CERS6: variants seen among roughly 807,000 people sequenced by gnomAD.
CERS6 encodes LAG1 homolog, ceramide synthase 6.
Under a neutral mutation model 56.8 loss-of-function variants are expected in CERS6, and 26 were observed. The observed-to-expected ratio is 0.46, with a 90% CI of 0.34 to 0.63. The LOEUF is 0.63. Ranked by LOEUF, CERS6 falls within the 30% of genes least tolerant of loss-of-function variation. The probability of loss-of-function intolerance (pLI) is 0.01; values close to 1 mark genes in which losing one functional copy is unlikely to be tolerated. For missense variants in CERS6, 415 were observed against 467.5 expected, an observed-to-expected ratio of 0.89 and a Z score of 1.04; for synonymous variants, 164 against 173.3, an observed-to-expected ratio of 0.95 and a Z score of 0.42.
chr2:168,479,743 G>A (rs1694144885), intron 1 of CERS6, among the ~76,000 whole-genome samples: 2 of 152,248 alleles, frequency 1.3e-5, no homozygotes, highest in South Asian at 4.2e-4. Flanking sequence ...TGAGTAGCTG[G>A]GATTACAGGC....
At chr2:168,608,352 A>G (rs1337877450) in intron 3 of CERS6, among the ~76,000 whole-genome samples, 1 of 152,192 alleles carries the variant, frequency 6.6e-6, no homozygotes, top group Non-Finnish European at 1.5e-5. Context: ...CTTTGCCTGG[A>G]CATGTCTTCA....
intron 1 of CERS6, among the ~76,000 whole-genome samples, chr2:168,458,867 A>G (rs1356278774): frequency 6.6e-6 from 1 of 152,166 alleles, no homozygotes; most frequent in Non-Finnish European, 1.5e-5. Context: ...GAAGTTCTGC[A>G]TGTTTCTCCT....
At chr2:168,723,304 C>T (rs1210450807) in intron 8 of CERS6, among the ~76,000 whole-genome samples, 1 of 152,186 alleles carries the variant, frequency 6.6e-6, no homozygotes, top group Non-Finnish European at 1.5e-5. Context: ...GAGAGTTCTG[C>T]CCCAGGCTGT....
At chr2:168,739,464 C>G (rs1240864472) in intron 8 of CERS6, among the ~76,000 whole-genome samples, 3 of 151,956 alleles carry the variant, frequency 2.0e-5, no homozygotes, top group African/African-American at 7.3e-5. Flanking sequence ...ATGAAAATTC[C>G]TAAATTTACC....
intron 1 of CERS6, among the ~76,000 whole-genome samples, chr2:168,540,987 G>A (rs1695357617): frequency 6.6e-6 from 1 of 152,196 alleles, no homozygotes; most frequent in Non-Finnish European, 1.5e-5. Context: ...TGATTCTGAT[G>A]ACTGAAAAGT....
At chr2:168,498,164 A>G (rs902430426) in intron 1 of CERS6, among the ~76,000 whole-genome samples, 1 of 152,194 alleles carries the variant, frequency 6.6e-6, no homozygotes, top group Non-Finnish European at 1.5e-5. Flanking sequence ...AGTGTTTGCC[A>G]ACATTTAAAA....
chr2:168,459,257 A>G (rs1418630852), intron 1 of CERS6, among the ~76,000 whole-genome samples: 5 of 152,374 alleles, frequency 3.3e-5, no homozygotes, highest in Admixed American at 1.3e-4. Context: ...TTGAGGCTAA[A>G]ATCGTGAATT....
intron 3 of CERS6, among the ~76,000 whole-genome samples, chr2:168,620,241 A>G (rs1036839555): frequency 3.9e-5 from 6 of 152,036 alleles, no homozygotes; most frequent in African/African-American, 4.8e-5. Flanking sequence ...CAAAGGCATA[A>G]GAATGACACA....
chr2:168,671,328 TTTGA>T (rs1460954286), intron 4 of CERS6, among the ~76,000 whole-genome samples: 3 of 152,182 alleles, frequency 2.0e-5, no homozygotes, highest in Non-Finnish European at 4.4e-5. Context: ...CAGCGTTCAG[TTTGA>T]TTATTTTTAT....
intron 8 of CERS6, among the ~76,000 whole-genome samples, chr2:168,728,607 G>T (rs62174441): frequency 0.029 from 4,396 of 151,180 alleles, 88 homozygotes; most frequent in East Asian, 0.066. Flanking sequence ...GGCTGGTCTC[G>T]AACTCCTGAC....
At chr2:168,634,036 G>C (rs1000075521) in intron 4 of CERS6, among the ~76,000 whole-genome samples, 8 of 152,118 alleles carry the variant, frequency 5.3e-5, no homozygotes, top group Non-Finnish European at 1.0e-4. Flanking sequence ...GGTCAAATGA[G>C]CCTGTTGTGT....
rs1364553431 is a variant in CERS6, at chr2:168,709,578, G to A, written c.610-5423G>A. Among the ~76,000 whole-genome samples the A allele has an allele frequency of 2.6e-5, 4 of 152,226 alleles. No individual in the cohort carries two copies. The South Asian group carries it at 8.3e-4, about 32-fold the overall frequency. Reference sequence around the variant, plus strand: ...GCAGGAGGTTGAGGACACAAGTAAAGCACGTGTCCACGCCAGTCTGTTATG... The same window carrying A: ...GCAGGAGGTTGAGGACACAAGTAAAACACGTGTCCACGCCAGTCTGTTATG... On this transcript the variant is annotated intron_variant, in intron 6 of 9. Transcript: ENST00000305747.
intron 3 of CERS6, among the ~76,000 whole-genome samples, chr2:168,618,203 A>G (rs1398500348): frequency 6.6e-6 from 1 of 152,232 alleles, no homozygotes; most frequent in Non-Finnish European, 1.5e-5. Flanking sequence ...TAAAACCCTT[A>G]GCAAAATTGG....
intron 3 of CERS6, among the ~76,000 whole-genome samples, chr2:168,590,233 A>G (rs979144345): frequency 1.3e-5 from 2 of 152,244 alleles, no homozygotes; most frequent in Non-Finnish European, 2.9e-5. Flanking sequence ...TAAAAGAAAT[A>G]GAAGAGTGAA....
At chr2:168,618,143 T>C (rs751811252) in intron 3 of CERS6, among the ~76,000 whole-genome samples, 3 of 152,164 alleles carry the variant, frequency 2.0e-5, no homozygotes, top group Non-Finnish European at 4.4e-5. Flanking sequence ...CACGATCATC[T>C]CAATAGACCA....
At chr2:168,743,212 G>T (rs926487788) in intron 8 of CERS6, among the ~76,000 whole-genome samples, 1 of 127,360 alleles carries the variant, frequency 7.9e-6, no homozygotes, top group Non-Finnish European at 1.7e-5. Flanking sequence ...ATGTGTGTGT[G>T]TATGTGTGTG....
At chr2:168,504,940 A>G (rs1281929796) in intron 1 of CERS6, among the ~76,000 whole-genome samples, 3 of 152,160 alleles carry the variant, frequency 2.0e-5, no homozygotes, top group African/African-American at 7.2e-5. Flanking sequence ...GATTTAGCCA[A>G]GTGTATCAGG....
chr2:168,623,983 A>T lies in CERS6; in HGVS notation c.408-7002A>T, dbSNP rs73969283. ...TCATAGATGGGCTCTTAGGGACCCT[A>T]CCTAGGCTGTTAAGAACAATGTCTG... On this transcript the variant is annotated intron_variant, in intron 3 of 9. Transcript: ENST00000305747. Among the ~76,000 whole-genome samples the T allele has an allele frequency of 7.0e-3, 1,064 of 152,294 alleles. 12 individuals carry two copies. Among genetic ancestry groups the T allele is most frequent in the African/African-American group, 0.024 (1,009 of 41,568 alleles).
chr2:168,714,066 G>A (rs1358846930), intron 6 of CERS6, among the ~76,000 whole-genome samples: 1 of 152,192 alleles, frequency 6.6e-6, no homozygotes, highest in Non-Finnish European at 1.5e-5. Flanking sequence ...TTTGGTATCT[G>A]ATGAGGGCCC....
Sources: gnomAD v4.1 joint callset for allele counts (sites outside exome capture counted in the v4.1 genomes callset) on GRCh38, gnomAD v4.1.1 for gene constraint, MANE v1.5 for transcripts, NCBI Gene and HGNC (gene_info 2026-07-23, HGNC 2026-07-21) for gene names.